PARP2: variants seen among roughly 807,000 people sequenced by gnomAD.
The protein encoded by PARP2 is poly(ADP-ribose) polymerase 2.
A neutral mutation model predicts 77.8 loss-of-function variants in PARP2; 57 were observed. The observed-to-expected ratio is 0.73, with a 90% CI of 0.59 to 0.91. PARP2 has a LOEUF of 0.91. PARP2 is among the 40% of genes least tolerant of loss of function. The pLI, the probability that PARP2 is intolerant of heterozygous loss-of-function variation, is 0.00. For synonymous variants in PARP2, 226 were observed against 242.6 expected (o/e 0.93, Z 0.64); for missense variants, 651 against 689.0 (o/e 0.94, Z 0.62).
In PARP2 at chr14:20,357,161, G is replaced by C. The variant is rs377613259; in HGVS notation, c.1428+12G>C. 7.6e-7 allele frequency: 1 copy of C among 1,308,002 alleles called. No individual in the cohort carries two copies. The highest frequency in any genetic ancestry group is 1.1e-6 in the Non-Finnish European group (1 of 918,140). 81.0% of individuals were successfully genotyped at this position (1,308,002 alleles called of 1,614,324 possible). A position where few individuals can be genotyped will look rare whatever the true frequency, so the allele number is the denominator to read the frequency against. On this transcript the variant is annotated intron_variant, in intron 14 of 15. Transcript: ENST00000429687. ...TGCTCTTATCAGAGGTGAGACAGGA[G>C]TATGTCTGTGATCTCTAGTTTATTA...
Position 20,354,591 on chromosome 14 carries a change from G to A in PARP2, c.764-218G>A, listed in dbSNP as rs534288700. ...GTGTGCCTGTGATCTAGCTACTTGC[G>A]AAGCTGAAGTGGGAGGATCACCGGA... On this transcript the variant is annotated intron_variant, in intron 8 of 15. Transcript: ENST00000429687. The A allele has an allele frequency of 2.9e-5, 16 of 555,562 alleles. No individual in the cohort carries two copies. In the South Asian group the frequency reaches 3.0e-4, roughly 10 times the overall value. 34.4% of individuals were successfully genotyped at this position (555,562 alleles called of 1,614,324 possible).
rs544492535 is a variant in PARP2, at chr14:20,357,884, A to G, written c.*87A>G. 18 of 1,242,116 alleles carry G rather than the reference A, an allele frequency of 1.4e-5. No homozygotes were observed. The highest frequency in any genetic ancestry group is 2.3e-4 in the Middle Eastern group (1 of 4,304). The allele number at this position is 1,242,116 out of a possible 1,614,324, so 76.9% of individuals were successfully genotyped here. A position where few individuals can be genotyped will look rare whatever the true frequency, so the allele number is the denominator to read the frequency against. On this transcript the variant is annotated 3_prime_UTR_variant, in exon 16 of 16. Transcript: ENST00000429687. Reference sequence around the variant, plus strand: ...TTGTGAATTTTGTGATATTTTATGTAATAAAAACTGTACAGGTCTACCACT... The same window carrying G: ...TTGTGAATTTTGTGATATTTTATGTGATAAAAACTGTACAGGTCTACCACT...
intron 13 of PARP2, 102 bp from the exon 14 acceptor site, chr14:20,356,949 A>G: frequency 3.7e-6 from 3 of 810,104 alleles, no homozygotes; most frequent in Non-Finnish European, 4.3e-6. Flanking sequence ...AGAAGGGTCT[A>G]TATTGTGTTT....
intron 4 of PARP2, among the ~76,000 whole-genome samples, chr14:20,347,350 GTGTGTGTATATATATATA>G (rs1450143601): frequency 8.4e-4 from 41 of 48,980 alleles, no homozygotes; most frequent in African/African-American, 5.3e-3. Context: ...CTTCATATGT[GTGTGTGTATATATATATA>G]TATATATATA....
At chr14:20,344,732 G>A (rs943075305) in intron 1 of PARP2, among the ~76,000 whole-genome samples, 200 bp from the exon 2 acceptor site, 8 of 152,194 alleles carry the variant, frequency 5.3e-5, no homozygotes, top group Non-Finnish European at 1.2e-4. Context: ...AGAATCACTT[G>A]AACCCAGGAG....
intron 6 of PARP2, among the ~76,000 whole-genome samples, chr14:20,351,618 C>T (rs888578426): frequency 1.5e-4 from 23 of 152,210 alleles, no homozygotes; most frequent in African/African-American, 5.3e-4. Flanking sequence ...TTAAATCAAA[C>T]TAATACCTTG....
intron 3 of PARP2, 35 bp from the exon 4 acceptor site, chr14:20,346,828 A>T: frequency 7.0e-7 from 1 of 1,431,660 alleles, no homozygotes; most frequent in Middle Eastern, 1.7e-4. Context: ...CTGAACCTAT[A>T]CTAATGTTGA....
chr14:20,356,977 G>A lies in PARP2; in HGVS notation c.1330-74G>A, dbSNP rs886618941. The A allele has an allele frequency of 9.1e-5, 84 of 925,028 alleles. No homozygotes were observed. In the African/African-American group the frequency reaches 1.2e-3, roughly 13 times the overall value. The allele number at this position is 925,028 out of a possible 1,614,324, so 57.3% of individuals were successfully genotyped here. On this transcript the variant is annotated intron_variant, in intron 13 of 15. Transcript: ENST00000429687. ...TTGTGTTTAAGGGAATGGAAAAACAGGGTCAGTGGTATGCACCTTCTCTCT... is the reference window on the plus strand; with the variant it reads ...TTGTGTTTAAGGGAATGGAAAAACAAGGTCAGTGGTATGCACCTTCTCTCT...
chr14:20,351,253 A>C, intron 6 of PARP2, 131 bp downstream of exon 6: 1 of 544,592 alleles, frequency 1.8e-6, no homozygotes, highest in Non-Finnish European at 3.3e-6. Flanking sequence ...ATCTGAGCTC[A>C]CTGCAACCTC....
intron 7 of PARP2, among the ~76,000 whole-genome samples, chr14:20,353,315 C>T (rs549778266): frequency 6.6e-6 from 1 of 151,898 alleles, no homozygotes; most frequent in African/African-American, 2.4e-5. Context: ...GATCTCGGCT[C>T]ACTGCACGCT....
intron 4 of PARP2, among the ~76,000 whole-genome samples, chr14:20,347,356 G>GTGTATGTATA (rs1168423656): frequency 1.4e-4 from 4 of 29,572 alleles, no homozygotes; most frequent in Non-Finnish European, 2.2e-4. Flanking sequence ...ATGTGTGTGT[G>GTGTATGTATA]TATATATATA....
At chr14:20,344,422 GT>G (rs1883630639) in intron 1 of PARP2, 1 of 153,934 alleles carries the variant, frequency 6.5e-6, no homozygotes, top group Non-Finnish European at 1.4e-5. Flanking sequence ...CTTTTATTTT[GT>G]TTTATTTCAT....
Position 20,347,352 on chromosome 14 carries a change from GTGTGTATATATA to G in PARP2, c.324+441_324+452del, listed in dbSNP as rs1566418178. Among the ~76,000 whole-genome samples the G allele has an allele frequency of 8.2e-3, 427 of 51,792 alleles. 20 individuals carry two copies. Among genetic ancestry groups the G allele is most frequent in the African/African-American group, 0.023 (268 of 11,648 alleles). 34.0% of individuals were successfully genotyped at this position (51,792 alleles called of 152,430 possible). A position where few individuals can be genotyped will look rare whatever the true frequency, so the allele number is the denominator to read the frequency against. ...CTTGCCTAAAGTCCTTCATATGTGT[GTGTGTATATATA>G]TATATATATATATATATATATATAT... On this transcript the variant is annotated intron_variant, in intron 4 of 15. Transcript: ENST00000429687.
rs1884055015 is a variant in PARP2, at chr14:20,354,078, G to T, written c.601-7G>T. ...TTGTCTTGTGTTTTGTTTGTTTTTTGCTATAGGATGAAGAGGAAACAAAGA... is the reference window on the plus strand; with the variant it reads ...TTGTCTTGTGTTTTGTTTGTTTTTTTCTATAGGATGAAGAGGAAACAAAGA... On this transcript the variant is annotated splice_region_variant and splice_polypyrimidine_tract_variant and intron_variant, in intron 7 of 15. Coordinates refer to ENST00000429687, the MANE Select transcript of PARP2 (RefSeq NM_001042618.2). The T allele has an allele frequency of 2.5e-5, 40 of 1,605,528 alleles. No homozygotes were observed. Among genetic ancestry groups the T allele is most frequent in the Non-Finnish European group, 3.4e-5 (40 of 1,174,186 alleles).
rs779365706 is a variant in PARP2 at position 20,351,115 on chromosome 14, C to T, written c.490C>T (p.Gln164Ter). Residue 164 changes from glutamine (Q) to a stop codon, truncating the protein, a stop_gained, in exon 6 of 16, where the codon CAG (glutamine) becomes TAG (stop). Coordinates refer to ENST00000429687, the MANE Select transcript of PARP2 (RefSeq NM_001042618.2). LOFTEE classifies it high-confidence loss of function. ...TCTCAACAAGGCCAAGGAAATCTTT[C>T]AGAAGAAGTGAGTGCTGAAAAGTGA... ...GNLNKAKEIFQKKFLDKTKNN... is the reference protein window; with the variant it reads ...GNLNKAKEIF 6.2e-7 allele frequency: 1 copy of T among 1,612,890 alleles called. No individual in the cohort carries two copies. Among genetic ancestry groups the T allele is most frequent in the South Asian group, 1.1e-5 (1 of 91,038 alleles).
At chr14:20,347,374 A>T (rs532855361) in intron 4 of PARP2, among the ~76,000 whole-genome samples, 7 of 14,130 alleles carry the variant, frequency 5.0e-4, no homozygotes, top group East Asian at 2.1e-3. Context: ...ATATATATAT[A>T]TATATATATA....
intron 5 of PARP2, 129 bp from the exon 6 acceptor site, chr14:20,350,918 G>A (rs1198634507): frequency 3.5e-5 from 24 of 693,608 alleles, no homozygotes; most frequent in Non-Finnish European, 6.0e-5. Flanking sequence ...AACATGATTA[G>A]TTCCCTAAAT....
rs774322806 is a variant in PARP2 at position 20,352,276 on chromosome 14, G to T, written c.529G>T (p.Asp177Tyr). The change falls in exon 7 of 16, where the codon GAT (aspartate) becomes TAT (tyrosine). Residue 177 changes from aspartate to tyrosine, a missense_variant. Transcript: ENST00000429687. ...FLDKTKNNWEDREKFEKVPGK... is the reference protein window; with the variant it reads ...FLDKTKNNWEYREKFEKVPGK... Reference sequence around the variant, plus strand: ...TGACAAAACGAAAAACAATTGGGAAGATCGAGAAAAGTTTGAGAAGGTGCC... The same window carrying T: ...TGACAAAACGAAAAACAATTGGGAATATCGAGAAAAGTTTGAGAAGGTGCC... The T allele has an allele frequency of 6.2e-7, 1 of 1,613,162 alleles. No individual in the cohort carries two copies. Among genetic ancestry groups the T allele is most frequent in the East Asian group, 2.2e-5 (1 of 44,870 alleles).
chr14:20,356,692 G>A lies in PARP2; in HGVS notation c.1329+3G>A, dbSNP rs1421460096. 8 of 1,604,150 alleles carry A rather than the reference G, an allele frequency of 5.0e-6. No homozygotes were observed. ...AAGCTCCCATCACAGGTTACATGGT[G>A]AGTGAAATTGAACTCTGGGAGGAGC... On this transcript the variant is annotated splice_donor_region_variant and intron_variant, in intron 13 of 15. Transcript: ENST00000429687.
Sources: allele counts gnomAD v4.1 joint callset (sites outside exome capture counted in the v4.1 genomes callset), GRCh38; gene constraint gnomAD v4.1.1; transcripts MANE v1.5; gene names NCBI Gene and HGNC (gene_info 2026-07-23, HGNC 2026-07-21).